The following XPO6 variants were observed in gnomAD, a reference collection of about 807,000 sequenced individuals.
XPO6 encodes the protein exportin-6.
A neutral mutation model predicts 130.0 loss-of-function variants in XPO6; 3 were observed. The ratio of observed to expected loss-of-function variants is 0.02; its 90% confidence interval spans 0.01 to 0.06. The LOEUF is 0.06. Among genes scored for constraint, XPO6 ranks in the 10% least tolerant of loss-of-function variants. The probability of loss-of-function intolerance (pLI) is 1.00; values close to 1 mark genes in which losing one functional copy is unlikely to be tolerated. For synonymous variants in XPO6, 524 were observed against 548.9 expected (o/e 0.95, Z 0.63); for missense variants, 970 against 1,393.0 (o/e 0.70, Z 4.83).
At chr16:28,159,128 G>T (rs1330969420) in intron 6 of XPO6, among the ~76,000 whole-genome samples, 3 of 152,074 alleles carry the variant, frequency 2.0e-5, no homozygotes, top group African/African-American at 7.2e-5. Flanking sequence ...TACTCAGGAG[G>T]CTGAAGTGGG....
intron 21 of XPO6, among the ~76,000 whole-genome samples, chr16:28,102,250 C>A (rs1486297657): frequency 3.9e-5 from 6 of 152,174 alleles, no homozygotes; most frequent in African/African-American, 1.4e-4. Context: ...TCCTGGCAGA[C>A]AGACACCAAA....
intron 8 of XPO6, among the ~76,000 whole-genome samples, chr16:28,150,857 C>T (rs543549170): frequency 3.7e-4 from 57 of 152,192 alleles, no homozygotes; most frequent in African/African-American, 1.2e-3. Flanking sequence ...ACCTCTGATG[C>T]TTCTCCCCTA....
chr16:28,160,093 G>A (rs140241566), intron 6 of XPO6, among the ~76,000 whole-genome samples: 3,778 of 150,634 alleles, frequency 0.025, 298 homozygotes, highest in East Asian at 0.17. Flanking sequence ...GCTGGGGCAG[G>A]AGAATTGCTT....
intron 6 of XPO6, among the ~76,000 whole-genome samples, chr16:28,165,901 A>G (rs1231769936): frequency 6.6e-6 from 1 of 152,208 alleles, no homozygotes; most frequent in Non-Finnish European, 1.5e-5. Flanking sequence ...AGTCATCTTT[A>G]GAAGAACTAC....
At chr16:28,143,378 G>C (rs1386238478) in intron 9 of XPO6, among the ~76,000 whole-genome samples, 1 of 152,142 alleles carries the variant, frequency 6.6e-6, no homozygotes, top group African/African-American at 2.4e-5. Flanking sequence ...TGCTGTGCCA[G>C]GTATTTTACA....
chr16:28,142,273 A>G (rs1364459753), intron 9 of XPO6, among the ~76,000 whole-genome samples: 8 of 152,216 alleles, frequency 5.3e-5, no homozygotes, highest in Non-Finnish European at 8.8e-5. Context: ...AGTTAACATA[A>G]ATGTGGTCAT....
intron 8 of XPO6, among the ~76,000 whole-genome samples, chr16:28,152,335 T>C (rs74014225): frequency 0.054 from 8,223 of 152,248 alleles, 567 homozygotes; most frequent in East Asian, 0.17. Context: ...AATTTCAGAC[T>C]TTTCCTTTCT....
In XPO6 at chr16:28,169,778, C is replaced by T. The variant is rs1311121678; in HGVS notation, c.537G>A (p.Gln179=). Residue 179 remains glutamine (Q), a synonymous_variant, in exon 5 of 24, where the codon CAG becomes CAA. Coordinates refer to ENST00000304658, the MANE Select transcript of XPO6 (RefSeq NM_015171.4). ...TCAGTAGCCCAAGCACTGTCTGCACCTGGTCCAGTAGCAGCTTCCGCAACT... is the reference window on the plus strand; with the variant it reads ...TCAGTAGCCCAAGCACTGTCTGCACTTGGTCCAGTAGCAGCTTCCGCAACT... ...KEELRKLLLD[Q]VQTVLGLLTG... The T allele has an allele frequency of 6.2e-7, 1 of 1,614,086 alleles. No individual in the cohort carries two copies. Among genetic ancestry groups the T allele is most frequent in the South Asian group, 1.1e-5 (1 of 91,078 alleles).
chr16:28,134,677 C>T (rs1411273162), intron 10 of XPO6, among the ~76,000 whole-genome samples: 1 of 152,104 alleles, frequency 6.6e-6, no homozygotes, highest in African/African-American at 2.4e-5. Flanking sequence ...TTTAAAGTGC[C>T]TAATGGTTTA....
intron 1 of XPO6, among the ~76,000 whole-genome samples, chr16:28,193,856 C>T (rs963063566): frequency 1.3e-5 from 2 of 152,190 alleles, no homozygotes; most frequent in African/African-American, 4.8e-5. Context: ...GCCCCTTCTA[C>T]AGGCACCAGC....
intron 9 of XPO6, among the ~76,000 whole-genome samples, chr16:28,140,401 C>T (rs1280740228): frequency 1.3e-5 from 2 of 150,532 alleles, no homozygotes; most frequent in Non-Finnish European, 3.0e-5. Context: ...GAAGGATAGC[C>T]GGGCGTGGTG....
At chr16:28,104,002 G>A (rs2086715993) in intron 21 of XPO6, among the ~76,000 whole-genome samples, 1 of 152,228 alleles carries the variant, frequency 6.6e-6, no homozygotes. Flanking sequence ...CAGGCTGGCT[G>A]TCTGGGCGAG....
At chr16:28,145,375 G>T (rs902784595) in intron 9 of XPO6, among the ~76,000 whole-genome samples, 7 of 151,962 alleles carry the variant, frequency 4.6e-5, no homozygotes, top group Admixed American at 1.3e-4. Flanking sequence ...CCCACCCTGT[G>T]GCACAAAGAA....
At chr16:28,187,086 G>C (rs898151207) in intron 1 of XPO6, among the ~76,000 whole-genome samples, 5 of 152,132 alleles carry the variant, frequency 3.3e-5, no homozygotes, top group Non-Finnish European at 7.4e-5. Context: ...CTGAAGGAAA[G>C]AAAGCTTCAA....
intron 4 of XPO6, among the ~76,000 whole-genome samples, chr16:28,174,580 C>T (rs902961335): frequency 4.6e-5 from 7 of 152,092 alleles, no homozygotes; most frequent in African/African-American, 1.7e-4. Flanking sequence ...CAGTAACAAC[C>T]CAATAAATCT....
chr16:28,156,610 A>G lies in XPO6; in HGVS notation c.644-83T>C, dbSNP rs952807350. The G allele has an allele frequency of 3.9e-5, 34 of 870,000 alleles. No individual in the cohort carries two copies. In the East Asian group the frequency reaches 8.1e-4, roughly 21 times the overall value. 53.9% of individuals were successfully genotyped at this position (870,000 alleles called of 1,614,324 possible). A position where few individuals can be genotyped will look rare whatever the true frequency, so the allele number is the denominator to read the frequency against. On this transcript the variant is annotated intron_variant, in intron 6 of 23. Coordinates refer to ENST00000304658, the MANE Select transcript of XPO6 (RefSeq NM_015171.4). ...AAGTAATTCTCCTTCAAAAAAATATATATATATATGTATACATATATGTAT... is the reference window on the plus strand; with the variant it reads ...AAGTAATTCTCCTTCAAAAAAATATGTATATATATGTATACATATATGTAT...
intron 1 of XPO6, among the ~76,000 whole-genome samples, chr16:28,186,135 C>G (rs545270875): frequency 2.7e-4 from 41 of 151,986 alleles, no homozygotes; most frequent in Non-Finnish European, 5.1e-4. Flanking sequence ...ATCGCCTTTG[C>G]TTCTTCCCCA....
intron 1 of XPO6, among the ~76,000 whole-genome samples, chr16:28,186,603 C>G (rs1017274134): frequency 2.0e-5 from 3 of 151,548 alleles, no homozygotes; most frequent in Non-Finnish European, 4.4e-5. Context: ...CACCTGACTT[C>G]AAGTGATCCT....
chr16:28,190,929 C>A lies in XPO6; in HGVS notation c.4-9898G>T, dbSNP rs546959441. Among the ~76,000 whole-genome samples, 4 of 152,160 alleles carry A rather than the reference C, an allele frequency of 2.6e-5. No homozygotes were observed. In the South Asian group the frequency reaches 6.2e-4, roughly 24 times the overall value. On this transcript the variant is annotated intron_variant, in intron 1 of 23. Coordinates refer to ENST00000304658, the MANE Select transcript of XPO6 (RefSeq NM_015171.4). ...TAACGTTAACAGGACAAAATATTAA[C>A]GGTAGGTGAGTTTGGGTAAAGGGTA...
Sources: allele counts gnomAD v4.1 joint callset (sites outside exome capture counted in the v4.1 genomes callset), GRCh38; gene constraint gnomAD v4.1.1; transcripts MANE v1.5; gene names NCBI Gene and HGNC (gene_info 2026-07-23, HGNC 2026-07-21).